The following ELOVL7 variants were observed in gnomAD, a reference collection of about 807,000 sequenced individuals.
ELOVL7 encodes the protein ELOVL fatty acid elongase 7, also known as very long chain fatty acid elongase 7.
Under a neutral mutation model 35.7 loss-of-function variants are expected in ELOVL7, and 27 were observed. The ratio of observed to expected loss-of-function variants is 0.76; its 90% CI spans 0.56 to 1.04. The LOEUF is 1.04. Among genes scored for constraint, ELOVL7 ranks in the 50% least tolerant of loss-of-function variants. The probability of loss-of-function intolerance (pLI) is 0.00; values close to 1 mark genes in which losing one functional copy is unlikely to be tolerated. For synonymous variants in ELOVL7, 113 were observed against 114.6 expected, an observed-to-expected ratio of 0.99 and a Z score of 0.09; for missense variants, 327 against 340.8, an observed-to-expected ratio of 0.96 and a Z score of 0.32.
chr5:60,779,961 C>T (rs1743137213), intron 3 of ELOVL7, among the ~76,000 whole-genome samples: 1 of 152,124 alleles, frequency 6.6e-6, no homozygotes, highest in South Asian at 2.1e-4. Flanking sequence ...TGCTGCCAGT[C>T]TTTTTTCTAA....
intron 5 of ELOVL7, among the ~76,000 whole-genome samples, chr5:60,767,099 C>T (rs1742287950): frequency 6.6e-6 from 1 of 152,102 alleles, no homozygotes; most frequent in Admixed American, 6.5e-5. Flanking sequence ...ATCCATTTAT[C>T]TTTTTCTTTT....
chr5:60,785,015 TTC>T (rs1743491658), intron 3 of ELOVL7, among the ~76,000 whole-genome samples: 1 of 152,206 alleles, frequency 6.6e-6, no homozygotes, highest in African/African-American at 2.4e-5. Flanking sequence ...GTAGATGCTA[TTC>T]TCACTTATGT....
At chr5:60,787,756 G>A (rs541664573) in intron 2 of ELOVL7, among the ~76,000 whole-genome samples, 6 of 152,230 alleles carry the variant, frequency 3.9e-5, no homozygotes, top group African/African-American at 9.6e-5. Flanking sequence ...ATTCAGGAAC[G>A]GACTGCACTT....
chr5:60,785,878 T>C (rs1251788771), intron 3 of ELOVL7: 1 of 152,234 alleles, frequency 6.6e-6, no homozygotes, highest in African/African-American at 2.4e-5. Context: ...TTTAGTGAGA[T>C]AAATTTGGTC....
chr5:60,784,047 A>C, intron 3 of ELOVL7: 1 of 869,292 alleles, frequency 1.2e-6, no homozygotes, highest in Non-Finnish European at 1.9e-6. Flanking sequence ...ATTCGTTTCT[A>C]AGAGTGTCCC....
chr5:60,781,047 G>A (rs1430717444), intron 3 of ELOVL7, among the ~76,000 whole-genome samples: 2 of 151,822 alleles, frequency 1.3e-5, no homozygotes, highest in African/African-American at 2.4e-5. Context: ...CTGTCTCTAC[G>A]AAAAATACAA....
rs1409386996 is a variant in ELOVL7 at position 60,764,279 on chromosome 5, G to C, written c.447C>G (p.Phe149Leu). Reference sequence around the variant, plus strand: ...AGGTCCACGGCATGATGGTATGATGGAATACATGAAGGAAAGTCACTTGGC... The same window carrying C: ...AGGTCCACGGCATGATGGTATGATGCAATACATGAAGGAAAGTCACTTGGC... ...KNSQVTFLHV[F>L]HHTIMPWTWW... Residue 149 changes from phenylalanine (F) to leucine (L), a missense_variant, in exon 7 of 9, where the codon TTC becomes TTG. By Grantham distance (22) the Phe-to-Leu change is conservative. Transcript: ENST00000508821. 1.2e-6 allele frequency: 2 copies of C among 1,613,742 alleles called. No individual in the cohort carries two copies. Among genetic ancestry groups the C allele is most frequent in the Non-Finnish European group, 1.7e-6 (2 of 1,179,796 alleles).
intron 2 of ELOVL7, among the ~76,000 whole-genome samples, chr5:60,791,928 C>A (rs767510044): frequency 6.6e-6 from 1 of 152,128 alleles, no homozygotes; most frequent in South Asian, 2.1e-4. Context: ...TCTTCTTTCA[C>A]TGCCTCCACA....
chr5:60,813,810 G>C (rs1342793475), intron 1 of ELOVL7, among the ~76,000 whole-genome samples: 1 of 152,120 alleles, frequency 6.6e-6, no homozygotes, highest in Non-Finnish European at 1.5e-5. Flanking sequence ...AAGGGCAAGT[G>C]CATCACAGTC....
intron 3 of ELOVL7, 54 bp downstream of exon 3, chr5:60,787,280 G>A: frequency 1.4e-6 from 2 of 1,412,154 alleles, no homozygotes; most frequent in South Asian, 1.2e-5. Flanking sequence ...TTAAATATGA[G>A]AATCTGACAT....
intron 1 of ELOVL7, chr5:60,843,314 T>C (rs1426295696): frequency 1.3e-5 from 2 of 152,094 alleles, no homozygotes; most frequent in Admixed American, 6.5e-5. Flanking sequence ...CGGGTGAAGT[T>C]TGAAACAGCT....
intron 1 of ELOVL7, among the ~76,000 whole-genome samples, chr5:60,829,085 T>C (rs1746335279): frequency 6.6e-6 from 1 of 152,140 alleles, no homozygotes; most frequent in South Asian, 2.1e-4. Context: ...TATAAATGTT[T>C]AGAAATTTCT....
chr5:60,833,002 T>A (rs1339934990), intron 1 of ELOVL7, among the ~76,000 whole-genome samples: 1 of 152,196 alleles, frequency 6.6e-6, no homozygotes, highest in Non-Finnish European at 1.5e-5. Context: ...GTTTCTGTAC[T>A]TGTAACATGG....
At chr5:60,794,260 T>C (rs1253191578) in intron 2 of ELOVL7, among the ~76,000 whole-genome samples, 1 of 152,216 alleles carries the variant, frequency 6.6e-6, no homozygotes, top group Non-Finnish European at 1.5e-5. Flanking sequence ...GGTTCAAACA[T>C]GAGAAATGCG....
intron 2 of ELOVL7, among the ~76,000 whole-genome samples, chr5:60,792,924 T>G (rs967183620): frequency 2.0e-5 from 3 of 152,166 alleles, no homozygotes; most frequent in Non-Finnish European, 2.9e-5. Flanking sequence ...CCTATCCCCT[T>G]GATGCATCCC....
chr5:60,797,572 T>A (rs1337106313), intron 2 of ELOVL7, among the ~76,000 whole-genome samples: 3 of 151,832 alleles, frequency 2.0e-5, no homozygotes, highest in Non-Finnish European at 2.9e-5. Flanking sequence ...AGGAAAGGAG[T>A]TAGTACAGAT....
intron 4 of ELOVL7, among the ~76,000 whole-genome samples, chr5:60,769,387 G>A (rs895099751): frequency 1.4e-4 from 21 of 152,152 alleles, no homozygotes; most frequent in Admixed American, 1.1e-3. Context: ...GCACTGTGTC[G>A]AATGAAAGTT....
intron 2 of ELOVL7, among the ~76,000 whole-genome samples, chr5:60,795,410 G>A (rs1055842401): frequency 1.3e-5 from 2 of 152,156 alleles, no homozygotes; most frequent in Non-Finnish European, 2.9e-5. Flanking sequence ...AGGAGATAAA[G>A]AAATAGTCAA....
chr5:60,784,586 A>C (rs982927717), intron 3 of ELOVL7, among the ~76,000 whole-genome samples: 1 of 152,202 alleles, frequency 6.6e-6, no homozygotes, highest in Non-Finnish European at 1.5e-5. Flanking sequence ...AATGAATATC[A>C]GTAAGTTTCC....
Sources: gnomAD v4.1 joint callset for allele counts (sites outside exome capture counted in the v4.1 genomes callset) on GRCh38, gnomAD v4.1.1 for gene constraint, MANE v1.5 for transcripts, NCBI Gene and HGNC (gene_info 2026-07-23, HGNC 2026-07-21) for gene names.